DNM2: variants seen among roughly 807,000 people sequenced by gnomAD.
The protein encoded by DNM2 is dynamin-2.
Under a neutral mutation model 99.0 loss-of-function variants are expected in DNM2, and 15 were observed. The ratio of observed to expected loss-of-function variants is 0.15; its 90% CI spans 0.10 to 0.23. DNM2 has a LOEUF of 0.23. Ranked by LOEUF, DNM2 falls within the 10% of genes least tolerant of loss-of-function variation. The pLI, the probability that DNM2 is intolerant of heterozygous loss-of-function variation, is 1.00. For synonymous variants in DNM2, 525 were observed against 481.2 expected (o/e 1.09, Z -1.19); for missense variants, 742 against 1,189.4 (o/e 0.62, Z 5.53).
At position 10,811,670 on chromosome 19, in the gene DNM2, T is replaced by G; in HGVS notation, c.1558-594T>G. Reference sequence around the variant, plus strand: ...AGGCTGCCTGCCGTTAGTTGTCAGGTGAGTCCCTGCGCAGGCCTGGGTTCT... The same window carrying G: ...AGGCTGCCTGCCGTTAGTTGTCAGGGGAGTCCCTGCGCAGGCCTGGGTTCT... On this transcript the variant is annotated intron_variant, in intron 14 of 20. Coordinates refer to ENST00000389253, the MANE Select transcript of DNM2 (RefSeq NM_001005361.3). This position sits in a 1 kb window ranked among gnomAD's most constrained non-coding sequence, Gnocchi z 5.4. 1 of 512,032 alleles carries G rather than the reference T, an allele frequency of 2.0e-6. No individual in the cohort carries two copies. The highest frequency in any genetic ancestry group is 1.4e-5 in the South Asian group (1 of 70,102). 31.7% of individuals were successfully genotyped at this position (512,032 alleles called of 1,614,324 possible). A position where few individuals can be genotyped will look rare whatever the true frequency, so the allele number is the denominator to read the frequency against.
intron 4 of DNM2, among the ~76,000 whole-genome samples, chr19:10,776,871 C>T (rs933263438): frequency 6.6e-6 from 1 of 152,246 alleles, no homozygotes; most frequent in Non-Finnish European, 1.5e-5. Flanking sequence ...ATGACAATAA[C>T]GGCCAGCATT....
chr19:10,738,163 T>C lies in DNM2; in HGVS notation c.161+19760T>C, dbSNP rs946332950. Among the ~76,000 whole-genome samples, 6 of 151,262 alleles carry C rather than the reference T, an allele frequency of 4.0e-5. No individual in the cohort carries two copies. In the South Asian group the frequency reaches 8.4e-4, roughly 21 times the overall value. On this transcript the variant is annotated intron_variant, in intron 1 of 20. Transcript: ENST00000389253. ...ATCCCAGCACTTTGGAAGGCCGAGG[T>C]GGGCAGATCATCTGAGGCTGGGAGG...
At chr19:10,788,576 C>T (rs918566658) in intron 7 of DNM2, among the ~76,000 whole-genome samples, 2 of 152,172 alleles carry the variant, frequency 1.3e-5, no homozygotes, top group South Asian at 2.1e-4. Context: ...CATGGGAGAG[C>T]GGGTGGGAGC....
rs1397381704 is a variant in DNM2 at position 10,764,196 on chromosome 19, A to G, written c.235+4385A>G. Among the ~76,000 whole-genome samples the G allele has an allele frequency of 2.0e-5, 3 of 152,028 alleles. No individual in the cohort carries two copies. The highest frequency in any genetic ancestry group is 7.2e-5 in the African/African-American group (3 of 41,380). On this transcript the variant is annotated intron_variant, in intron 2 of 20. Coordinates refer to ENST00000389253, the MANE Select transcript of DNM2 (RefSeq NM_001005361.3). The surrounding 1 kb of genome is among the most constrained non-coding windows in gnomAD (Gnocchi z 4.1). ...GGCTGCCACCCTTTACTGGCCCGGG[A>G]CTTGTTAAAGTGACTTCCCTCTCTG... is the stretch of plus-strand genomic sequence containing the variant.
intron 1 of DNM2, among the ~76,000 whole-genome samples, chr19:10,729,550 C>T (rs920318744): frequency 5.3e-5 from 8 of 152,040 alleles, no homozygotes; most frequent in Non-Finnish European, 7.4e-5. Context: ...GCAGAGGCCT[C>T]GCACACACCC....
intron 16 of DNM2, among the ~76,000 whole-genome samples, chr19:10,821,303 C>G (rs1343448612): frequency 6.6e-6 from 1 of 152,058 alleles, no homozygotes; most frequent in African/African-American, 2.4e-5. Context: ...GGGAGGGTGA[C>G]AATATTATCT....
chr19:10,753,365 C>T (rs1255263288), intron 1 of DNM2, among the ~76,000 whole-genome samples: 1 of 151,522 alleles, frequency 6.6e-6, no homozygotes, highest in Admixed American at 6.6e-5. Context: ...TACAGACTTT[C>T]TTCTGTACCT....
At position 10,765,159 on chromosome 19, in the gene DNM2, C is replaced by T. The variant is rs1390418996; in HGVS notation, c.235+5348C>T. 6.6e-6 allele frequency among the ~76,000 whole-genome samples: 1 copy of T among 152,040 alleles called. No individual in the cohort carries two copies. The highest frequency in any genetic ancestry group is 1.5e-5 in the Non-Finnish European group (1 of 68,004). On this transcript the variant is annotated intron_variant, in intron 2 of 20. Coordinates refer to ENST00000389253, the MANE Select transcript of DNM2 (RefSeq NM_001005361.3). The surrounding 1 kb of genome is among the most constrained non-coding windows in gnomAD (Gnocchi z 4.4). ...ATGCTTAGTAGAGACGGGGTTTCAC[C>T]GTGTTAGCCAGGATGGTCTCGATCT...
intron 1 of DNM2, among the ~76,000 whole-genome samples, chr19:10,744,545 G>C (rs1006568197): frequency 6.6e-6 from 1 of 152,210 alleles, no homozygotes; most frequent in Admixed American, 6.5e-5. Context: ...GGCTCCAGGA[G>C]GCTGGCTGTG....
intron 18 of DNM2, among the ~76,000 whole-genome samples, chr19:10,827,151 T>C (rs2073167710): frequency 6.6e-6 from 1 of 152,170 alleles, no homozygotes; most frequent in Non-Finnish European, 1.5e-5. Context: ...TTCTCAGTAG[T>C]GATCAGTGTT....
intron 3 of DNM2, among the ~76,000 whole-genome samples, chr19:10,773,625 T>A (rs1205256390): frequency 6.6e-6 from 1 of 151,732 alleles, no homozygotes; most frequent in Non-Finnish European, 1.5e-5. Context: ...ATTTTTTTTT[T>A]ATTTTTTATT....
chr19:10,801,198 C>T (rs188616642), intron 11 of DNM2, among the ~76,000 whole-genome samples: 5 of 152,024 alleles, frequency 3.3e-5, no homozygotes, highest in East Asian at 3.9e-4. Context: ...CTCAGCTACT[C>T]GGAAGACTGA....
Position 10,817,612 on chromosome 19 carries a change from C to T in DNM2, c.1672-2368C>T, listed in dbSNP as rs1013069597. The T allele has an allele frequency of 2.4e-5, 7 of 291,348 alleles. No homozygotes were observed. The highest frequency in any genetic ancestry group is 9.8e-5 in the African/African-American group (4 of 40,990). 18.0% of individuals were successfully genotyped at this position (291,348 alleles called of 1,614,324 possible). On this transcript the variant is annotated intron_variant, in intron 15 of 20. Coordinates refer to ENST00000389253, the MANE Select transcript of DNM2 (RefSeq NM_001005361.3). This position sits in a 1 kb window ranked among gnomAD's most constrained non-coding sequence, Gnocchi z 4.6. ...AACCACCACTCTTCCCGAGACGATC[C>T]GCTCTGTCCCTTCTGACGTGGCAAG...
chr19:10,804,147 C>A (rs1371417189), intron 12 of DNM2, among the ~76,000 whole-genome samples: 1 of 152,112 alleles, frequency 6.6e-6, no homozygotes, highest in Non-Finnish European at 1.5e-5. Context: ...CCCAAGACAC[C>A]AGGATGCTTC....
At chr19:10,781,076 G>C (rs1483253970) in intron 5 of DNM2, among the ~76,000 whole-genome samples, 2 of 150,242 alleles carry the variant, frequency 1.3e-5, no homozygotes, top group African/African-American at 4.9e-5. Context: ...TGTACTCCCA[G>C]CTACTCAGGA....
chr19:10,787,612 G>A (rs889761943), intron 7 of DNM2, among the ~76,000 whole-genome samples: 2 of 145,616 alleles, frequency 1.4e-5, no homozygotes, highest in African/African-American at 2.6e-5. Context: ...AAAATTAGCC[G>A]GGCGCGGTGG....
chr19:10,796,212 C>T lies in DNM2; in HGVS notation c.1196+773C>T, dbSNP rs150975494. 1.1e-3 allele frequency: 1,744 copies of T among 1,613,872 alleles called. 26 individuals are homozygous for T. In the African/African-American group the frequency reaches 0.021, roughly 20 times the overall value. On this transcript the variant is annotated intron_variant, in intron 9 of 20. Transcript: ENST00000389253. This position sits in a 1 kb window ranked among gnomAD's most constrained non-coding sequence, Gnocchi z 5.6. Reference sequence around the variant, plus strand: ...GTGTACCAGTAAGGTATTGCTCCCTCGGCAGGGTGACTCCTGACCTTGTGG... The same window carrying T: ...GTGTACCAGTAAGGTATTGCTCCCTTGGCAGGGTGACTCCTGACCTTGTGG...
chr19:10,825,650 C>T (rs1434827519), intron 18 of DNM2, among the ~76,000 whole-genome samples: 1 of 151,410 alleles, frequency 6.6e-6, no homozygotes, highest in Non-Finnish European at 1.5e-5. Context: ...GCCTGGGCGA[C>T]AGAGTGAGAC....
chr19:10,740,234 TTC>T (rs370337056), intron 1 of DNM2, among the ~76,000 whole-genome samples: 52 of 152,272 alleles, frequency 3.4e-4, no homozygotes, highest in African/African-American at 1.2e-3. Flanking sequence ...TGGTGTTAAC[TTC>T]TCTCTCCATT....
Sources: allele counts gnomAD v4.1 joint callset (sites outside exome capture counted in the v4.1 genomes callset), GRCh38; gene constraint gnomAD v4.1.1; non-coding constraint Gnocchi (gnomAD v3.1); transcripts MANE v1.5; gene names NCBI Gene and HGNC (gene_info 2026-07-23, HGNC 2026-07-21).